Variants in RPA3 observed in about 807,000 individuals in gnomAD.
RPA3 encodes replication protein A3.
RPA3 carries 24 observed loss-of-function variants against 13.7 expected under a neutral mutation model. The ratio of observed to expected loss-of-function variants is 1.75; its 90% CI spans 1.27 to 2.46. The LOEUF (loss-of-function observed/expected upper bound fraction) is 2.46. RPA3 is among the 30% of genes most tolerant of loss of function. The pLI, the probability that RPA3 is intolerant of heterozygous loss-of-function variation, is 0.00. For missense variants in RPA3, 183 were observed against 151.0 expected (o/e 1.21, Z -1.11); for synonymous variants, 59 against 51.2 (o/e 1.15, Z -0.65).
intron 2 of RPA3, among the ~76,000 whole-genome samples, chr7:7,698,870 CTTTT>C (rs57968079): frequency 3.0e-5 from 4 of 131,944 alleles, no homozygotes; most frequent in African/African-American, 5.6e-5. Context: ...ACCCTCTTGT[CTTTT>C]TTTTTTTTTT....
intron 4 of RPA3, among the ~76,000 whole-genome samples, chr7:7,656,891 C>G (rs919984104): frequency 7.9e-5 from 12 of 152,252 alleles, no homozygotes; most frequent in African/African-American, 2.9e-4. Context: ...AATCACCACA[C>G]TGACTTCCAC....
chr7:7,717,283 C>G (rs1423857207), intron 1 of RPA3, among the ~76,000 whole-genome samples: 2 of 152,098 alleles, frequency 1.3e-5, no homozygotes, highest in African/African-American at 2.4e-5. Flanking sequence ...TCTCGAACTC[C>G]TGACCCCAAG....
intron 2 of RPA3, among the ~76,000 whole-genome samples, chr7:7,703,296 T>A (rs765297297): frequency 3.3e-5 from 5 of 152,210 alleles, no homozygotes; most frequent in Non-Finnish European, 2.9e-5. Flanking sequence ...ATGGAATTCG[T>A]GTGTTCTCAT....
intron 4 of RPA3, among the ~76,000 whole-genome samples, chr7:7,657,032 A>T (rs1056842716): frequency 6.6e-6 from 1 of 152,084 alleles, no homozygotes; most frequent in African/African-American, 2.4e-5. Context: ...AATGTATCTC[A>T]TTGTGGTTTT....
chr7:7,684,711 C>CCATA (rs1779998571), intron 4 of RPA3, among the ~76,000 whole-genome samples: 1 of 152,150 alleles, frequency 6.6e-6, no homozygotes, highest in African/African-American at 2.4e-5. Context: ...CTGGCTTTAG[C>CCATA]CATAGTACAA....
intron 4 of RPA3, among the ~76,000 whole-genome samples, chr7:7,660,838 A>T (rs1329731791): frequency 6.6e-6 from 1 of 152,118 alleles, no homozygotes; most frequent in South Asian, 2.1e-4. Context: ...CTGAATTTGA[A>T]TGTTGGCCTG....
rs1027921911 is a variant in RPA3, at chr7:7,689,795, A to G, written c.-1027-2467T>C. 3.9e-5 allele frequency among the ~76,000 whole-genome samples: 6 copies of G among 152,310 alleles called. No individual in the cohort carries two copies. In the East Asian group the frequency reaches 1.2e-3, roughly 29 times the overall value. On this transcript the variant is annotated intron_variant, in intron 2 of 7. Coordinates refer to ENST00000223129, the MANE Select transcript of RPA3 (RefSeq NM_002947.5). ...GTCATAAGTAAACATTTTGAATGGT[A>G]TACTCACTGCCATCAGAAATGTTGT...
chr7:7,654,083 T>A (rs1226802915), intron 4 of RPA3, among the ~76,000 whole-genome samples: 1 of 152,218 alleles, frequency 6.6e-6, no homozygotes, highest in East Asian at 1.9e-4. Flanking sequence ...AGTCATTTCT[T>A]ATCACTGCTA....
At chr7:7,648,884 C>A (rs909479818) in intron 4 of RPA3, among the ~76,000 whole-genome samples, 1 of 148,012 alleles carries the variant, frequency 6.8e-6, no homozygotes, top group Non-Finnish European at 1.5e-5. Context: ...AAAGGCCGGG[C>A]GCGGTCGCTC....
chr7:7,650,156 T>C (rs1420674667), intron 4 of RPA3, among the ~76,000 whole-genome samples: 2 of 152,250 alleles, frequency 1.3e-5, no homozygotes, highest in Non-Finnish European at 2.9e-5. Context: ...TTTTATGCTG[T>C]TGTCTAGAGA....
intron 2 of RPA3, among the ~76,000 whole-genome samples, chr7:7,713,865 C>G (rs1489801998): frequency 1.3e-5 from 2 of 152,118 alleles, no homozygotes; most frequent in Non-Finnish European, 2.9e-5. Flanking sequence ...GGGTCTCACT[C>G]TGTCACCCAG....
intron 2 of RPA3, among the ~76,000 whole-genome samples, chr7:7,710,504 A>G (rs780260943): frequency 4.6e-5 from 7 of 152,358 alleles, no homozygotes; most frequent in Non-Finnish European, 7.3e-5. Context: ...AACCATAATG[A>G]TAGGTCTCTA....
chr7:7,689,302 G>A (rs1780116489), intron 2 of RPA3: 1 of 152,176 alleles, frequency 6.6e-6, no homozygotes, highest in South Asian at 2.1e-4. Context: ...AATGGCTGAT[G>A]ATGTTTTATC....
In RPA3 at chr7:7,694,643, A is replaced by G. The variant is rs28914169; in HGVS notation, c.-1027-7315T>C. 2.2e-3 allele frequency among the ~76,000 whole-genome samples: 337 copies of G among 150,950 alleles called. 1 individual carries two copies. Among genetic ancestry groups the G allele is most frequent in the Non-Finnish European group, 2.5e-3 (169 of 67,906 alleles). On this transcript the variant is annotated intron_variant, in intron 2 of 7. Coordinates refer to ENST00000223129, the MANE Select transcript of RPA3 (RefSeq NM_002947.5). The stretch of plus-strand genomic sequence containing the variant: ...AAATGAGTGAGAATATGTGAAGTTT[A>G]TCTCTCTCTGCCTGACTTATTTCAC...
intron 4 of RPA3, among the ~76,000 whole-genome samples, chr7:7,662,679 G>C (rs1289468523): frequency 1.3e-5 from 2 of 152,132 alleles, no homozygotes; most frequent in Non-Finnish European, 2.9e-5. Flanking sequence ...GATGAGCCGG[G>C]TACCTCAGTT....
chr7:7,718,508 T>TA lies in RPA3; in HGVS notation c.-1080+6dup, dbSNP rs1158952735. ...TATGTATCCAACAAATTCAAACAGATACTTACAAAATTAAGACGATTGTAA... is the reference window on the plus strand; with the variant it reads ...TATGTATCCAACAAATTCAAACAGATAACTTACAAAATTAAGACGATTGTAA... On this transcript the variant is annotated splice_region_variant and intron_variant, in intron 1 of 7. Coordinates refer to ENST00000223129, the MANE Select transcript of RPA3 (RefSeq NM_002947.5). 5.9e-5 allele frequency: 9 copies of TA among 152,350 alleles called. 1 individual carries two copies. Among genetic ancestry groups the TA allele is most frequent in the African/African-American group, 2.2e-4 (9 of 41,590 alleles). The allele number at this position is 152,350 out of a possible 1,614,324, so 9.4% of individuals were successfully genotyped here. A position where few individuals can be genotyped will look rare whatever the true frequency, so the allele number is the denominator to read the frequency against.
intron 4 of RPA3, among the ~76,000 whole-genome samples, chr7:7,683,302 A>G (rs1052586494): frequency 9.2e-5 from 14 of 152,198 alleles, no homozygotes; most frequent in Admixed American, 7.2e-4. Context: ...GATTCTGATT[A>G]AAAGGTCCTG....
intron 4 of RPA3, among the ~76,000 whole-genome samples, chr7:7,677,568 G>T (rs1779773738): frequency 1.3e-5 from 2 of 150,810 alleles, no homozygotes; most frequent in Admixed American, 6.6e-5. Context: ...CATCTATGTT[G>T]TTGCAAAGGA....
intron 4 of RPA3, among the ~76,000 whole-genome samples, chr7:7,646,652 T>G (rs924019351): frequency 1.3e-5 from 2 of 151,968 alleles, no homozygotes; most frequent in African/African-American, 4.8e-5. Flanking sequence ...ATCAGCAGTA[T>G]GAAAATGAAC....
Sources: gnomAD v4.1 joint callset for allele counts (sites outside exome capture counted in the v4.1 genomes callset) on GRCh38, gnomAD v4.1.1 for gene constraint, MANE v1.5 for transcripts, NCBI Gene and HGNC (gene_info 2026-07-23, HGNC 2026-07-21) for gene names.